FIG4: variants seen among roughly 807,000 people sequenced by gnomAD.
The protein encoded by FIG4 is FIG4 phosphoinositide 5-phosphatase.
Under a neutral mutation model 118.6 loss-of-function variants are expected in FIG4, and 112 were observed. The ratio of observed to expected loss-of-function variants is 0.94; its 90% CI spans 0.81 to 1.11. FIG4 has a LOEUF of 1.11. Ranked by LOEUF, FIG4 falls within the 50% of genes least tolerant of loss-of-function variation. The pLI, the probability that FIG4 is intolerant of heterozygous loss-of-function variation, is 0.00. For synonymous variants in FIG4, 369 were observed against 381.2 expected, an observed-to-expected ratio of 0.97 and a Z score of 0.37; for missense variants, 969 against 1,111.7, an observed-to-expected ratio of 0.87 and a Z score of 1.83.
At chr6:109,718,350 A>G (rs1406396546) in intron 3 of FIG4, among the ~76,000 whole-genome samples, 1 of 152,214 alleles carries the variant, frequency 6.6e-6, no homozygotes, top group African/African-American at 2.4e-5. Flanking sequence ...TGAAGACACA[A>G]ATGCAAACCG....
At chr6:109,718,929 T>G (rs1287283958) in intron 3 of FIG4, among the ~76,000 whole-genome samples, 1 of 151,842 alleles carries the variant, frequency 6.6e-6, no homozygotes, top group Non-Finnish European at 1.5e-5. Context: ...CATTTTTTTT[T>G]TTTTTTTGAG....
chr6:109,791,441 C>A lies in FIG4; in HGVS notation c.2246C>A (p.Pro749His). 6.2e-7 allele frequency: 1 copy of A among 1,613,840 alleles called. No individual in the cohort carries two copies. Among genetic ancestry groups the A allele is most frequent in the Non-Finnish European group, 8.5e-7 (1 of 1,179,996 alleles). Residue 749 changes from proline to histidine, a missense_variant, in exon 20 of 23, where the codon CCC (proline) becomes CAC (histidine). Around this residue, in one of 3 missense-constraint regions of FIG4, gnomAD observed 330 missense variants for 348.1 expected, o/e 0.95. Transcript: ENST00000230124. ...ACGGCAGCCAGCGCCCCGCCGCCCC[C>A]CAGCGAGGAGGCTGTGTCCAGCAGC... ...RKTAASAPPPPSEEAVSSSSE... is the reference protein window; with the variant it reads ...RKTAASAPPPHSEEAVSSSSE...
intron 22 of FIG4, among the ~76,000 whole-genome samples, chr6:109,806,131 A>G (rs1483878633): frequency 6.6e-6 from 1 of 152,138 alleles, no homozygotes; most frequent in Non-Finnish European, 1.5e-5. Context: ...TTTTGCTTTT[A>G]CTTGTTTTAA....
rs112493717 is a variant in FIG4, at chr6:109,810,966, T to C, written c.2546+14115T>C. Among the ~76,000 whole-genome samples the C allele has an allele frequency of 2.6e-5, 4 of 152,304 alleles. No homozygotes were observed. In the South Asian group the frequency reaches 8.3e-4, roughly 32 times the overall value. On this transcript the variant is annotated intron_variant, in intron 22 of 22. Transcript: ENST00000230124. ...GAAATGAGACCACATTCTCGGAATA[T>C]CCAAGGATACTCTTGTGTTGTAGTT...
At position 109,732,697 on chromosome 6, in the gene FIG4, A is replaced by T. The variant is rs2128385219; in HGVS notation, c.497+10A>T. On this transcript the variant is annotated intron_variant, in intron 5 of 22. Transcript: ENST00000230124. Reference sequence around the variant, plus strand: ...GCAATTTTTACTTTAGGTAAGTGTGAGGTTAGTTTTGCTCCTATCAATCAC... The same window carrying T: ...GCAATTTTTACTTTAGGTAAGTGTGTGGTTAGTTTTGCTCCTATCAATCAC... 1.3e-6 allele frequency: 2 copies of T among 1,530,250 alleles called. No individual in the cohort carries two copies. The highest frequency in any genetic ancestry group is 9.0e-7 in the Non-Finnish European group (1 of 1,111,942). The allele number at this position is 1,530,250 out of a possible 1,614,324, so 94.8% of individuals were successfully genotyped here. A position where few individuals can be genotyped will look rare whatever the true frequency, so the allele number is the denominator to read the frequency against.
chr6:109,791,623 CT>C, intron 20 of FIG4, 52 bp downstream of exon 20: 1 of 1,519,586 alleles, frequency 6.6e-7, no homozygotes, highest in Non-Finnish European at 9.1e-7. Context: ...GGAAAATGAT[CT>C]TTACAACTCC....
rs750712213 is a variant in FIG4, at chr6:109,791,477, ACT to A, written c.2285_2286del (p.Ser762TrpfsTer3). ...GCTGTGTCCAGCAGCTCTGAGGATG[ACT>A]CTGGGACTGATCGGGAAGAAGAGGG... On this transcript the variant is annotated frameshift_variant, in exon 20 of 23. Transcript: ENST00000230124. LOFTEE classifies it high-confidence loss of function. 9.9e-6 allele frequency: 16 copies of A among 1,613,860 alleles called. No homozygotes were observed. The Admixed American group carries it at 1.2e-4, about 12-fold the overall frequency.
rs1040090327 is a variant in FIG4, at chr6:109,762,312, TG to T, written c.1388+111del. The T allele has an allele frequency of 2.3e-4, 169 of 746,594 alleles. No homozygotes were observed. In the African/African-American group the frequency reaches 2.7e-3, roughly 12 times the overall value. 46.2% of individuals were successfully genotyped at this position (746,594 alleles called of 1,614,324 possible). The stretch of plus-strand genomic sequence containing the variant: ...CTTGGAAATTGGATGAATTTAGTCC[TG>T]GGGGGAGGCACACTGCTCACATGAC... On this transcript the variant is annotated intron_variant, in intron 12 of 22. Transcript: ENST00000230124.
chr6:109,792,934 G>A (rs551994455), intron 21 of FIG4, among the ~76,000 whole-genome samples: 6 of 151,878 alleles, frequency 4.0e-5, no homozygotes, highest in Admixed American at 1.3e-4. Flanking sequence ...CAGGCAATCC[G>A]CCCACCTCAG....
At chr6:109,763,808 A>C in intron 12 of FIG4, 129 bp from the exon 13 acceptor site, 3 of 698,956 alleles carry the variant, frequency 4.3e-6, no homozygotes, top group Non-Finnish European at 7.8e-6. Flanking sequence ...AGTAGGCAGG[A>C]TCAGCTGATT....
chr6:109,705,059 T>A (rs954306243), intron 1 of FIG4, among the ~76,000 whole-genome samples: 2 of 152,174 alleles, frequency 1.3e-5, no homozygotes, highest in African/African-American at 4.8e-5. Flanking sequence ...ATATGGGTGT[T>A]CGTTGTACTG....
At chr6:109,743,052 T>A in intron 8 of FIG4, 58 bp from the exon 9 acceptor site, 1 of 1,404,330 alleles carries the variant, frequency 7.1e-7, no homozygotes, top group Middle Eastern at 1.8e-4. Flanking sequence ...CATTGAAAGT[T>A]ATTTCATTAA....
At position 109,777,362 on chromosome 6, in the gene FIG4, T is replaced by G. The variant is rs534533092; in HGVS notation, c.1889+302T>G. On this transcript the variant is annotated intron_variant, in intron 16 of 22. Coordinates refer to ENST00000230124, the MANE Select transcript of FIG4 (RefSeq NM_014845.6). ...GAGTTCCGTACTATTGATGTCCTGA[T>G]AGTAGGTTGGGGAAAATGTGGCTAG... 1.1e-3 allele frequency among the ~76,000 whole-genome samples: 165 copies of G among 152,290 alleles called. 1 individual carries two copies. The South Asian group carries it at 0.017, about 16-fold the overall frequency.
At chr6:109,731,702 T>G (rs1776006523) in intron 4 of FIG4, among the ~76,000 whole-genome samples, 1 of 152,194 alleles carries the variant, frequency 6.6e-6, no homozygotes, top group Admixed American at 6.5e-5. Flanking sequence ...CAGGAAGATG[T>G]GTATTGTGCA....
chr6:109,702,465 C>T (rs1774934934), intron 1 of FIG4, among the ~76,000 whole-genome samples: 1 of 152,134 alleles, frequency 6.6e-6, no homozygotes, highest in Admixed American at 6.5e-5. Flanking sequence ...TTCAATGTAG[C>T]TTTTCTCTTT....
rs544612640 is a variant in FIG4 at position 109,797,724 on chromosome 6, G to A, written c.2546+873G>A. Among the ~76,000 whole-genome samples the A allele has an allele frequency of 8.6e-5, 13 of 151,850 alleles. 1 individual carries two copies. The South Asian group carries it at 2.1e-3, about 24-fold the overall frequency. On this transcript the variant is annotated intron_variant, in intron 22 of 22. Coordinates refer to ENST00000230124, the MANE Select transcript of FIG4 (RefSeq NM_014845.6). ...CAGCCTGGCCAACATCATGAAACCCGGTGGCCACTTAAAATACAAAAATTA... is the reference window on the plus strand; with the variant it reads ...CAGCCTGGCCAACATCATGAAACCCAGTGGCCACTTAAAATACAAAAATTA...
intron 11 of FIG4, among the ~76,000 whole-genome samples, chr6:109,760,652 T>C (rs1777077476): frequency 6.6e-6 from 1 of 152,234 alleles, no homozygotes. Context: ...TTTTGCTTTT[T>C]TCTATATCAT....
intron 4 of FIG4, among the ~76,000 whole-genome samples, chr6:109,731,024 A>C (rs1466381747): frequency 6.6e-6 from 1 of 152,212 alleles, no homozygotes; most frequent in Non-Finnish European, 1.5e-5. Context: ...CAAATCAGTG[A>C]GAAAAAAATA....
At chr6:109,731,775 G>A (rs1776009022) in intron 4 of FIG4, among the ~76,000 whole-genome samples, 1 of 152,218 alleles carries the variant, frequency 6.6e-6, no homozygotes, top group South Asian at 2.1e-4. Flanking sequence ...TTTGTTATCT[G>A]AGGGAGGACC....
Sources: allele counts gnomAD v4.1 joint callset (sites outside exome capture counted in the v4.1 genomes callset), GRCh38; gene constraint gnomAD v4.1.1; regional missense constraint gnomAD v4.1.1; transcripts MANE v1.5; gene names NCBI Gene and HGNC (gene_info 2026-07-23, HGNC 2026-07-21).